The following ABCA7 variants were observed in gnomAD, a reference collection of about 807,000 sequenced individuals.
ABCA7 encodes the protein ATP binding cassette subfamily A member 7, also known as phospholipid-transporting ATPase ABCA7.
A neutral mutation model predicts 227.6 loss-of-function variants in ABCA7; 261 were observed. That is an observed-to-expected ratio of 1.15 (90% CI 1.04 to 1.27). The LOEUF (loss-of-function observed/expected upper bound fraction) is 1.27. Among genes scored for constraint, ABCA7 ranks in the 50% most tolerant of loss-of-function variants. ABCA7 has a pLI of 0.00. For synonymous variants in ABCA7, 1,488 were observed against 1,279.7 expected (o/e 1.16, Z -3.47); for missense variants, 3,331 against 2,924.5 (o/e 1.14, Z -3.21).
chr19:1,055,484 G>A (rs888365692), intron 30 of ABCA7, 133 bp downstream of exon 30: 31 of 962,390 alleles, frequency 3.2e-5, no homozygotes, highest in African/African-American at 1.4e-4. Flanking sequence ...GGAGTCTCGC[G>A]TACCTTCCTT....
rs925027893 is a variant in ABCA7, at chr19:1,063,747, C to T, written c.5848-13C>T. 12 of 1,548,368 alleles carry T rather than the reference C, an allele frequency of 7.8e-6. No individual in the cohort carries two copies. The highest frequency in any genetic ancestry group is 1.2e-5 in the South Asian group (1 of 84,488). On this transcript the variant is annotated splice_polypyrimidine_tract_variant and intron_variant, in intron 43 of 46. Transcript: ENST00000263094. ...GGCGGGGCCTTGCTTATGGGATCTT[C>T]CGTGCTCCCCAGGACGAGCCGACCA...
At chr19:1,046,589 G>T (rs997902791) in intron 13 of ABCA7, among the ~76,000 whole-genome samples, 183 bp downstream of exon 13, 16 of 152,032 alleles carry the variant, frequency 1.1e-4, no homozygotes, top group African/African-American at 1.4e-4. Flanking sequence ...GTGGGGGGGG[G>T]GACTCTGAGG....
At chr19:1,055,871 C>A in intron 30 of ABCA7, 36 bp from the exon 31 acceptor site, 1 of 1,544,472 alleles carries the variant, frequency 6.5e-7, no homozygotes, top group Non-Finnish European at 8.8e-7. Flanking sequence ...GTCCCACATC[C>A]CTGTCTGCCT....
Position 1,056,348 on chromosome 19 carries a change from G to A in ABCA7, c.4435G>A (p.Gly1479Ser). 1 of 1,613,436 alleles carries A rather than the reference G, an allele frequency of 6.2e-7. No individual in the cohort carries two copies. Among genetic ancestry groups the A allele is most frequent in the South Asian group, 1.1e-5 (1 of 91,072 alleles). Residue 1479 changes from glycine (G) to serine (S), a missense_variant, in exon 33 of 47, where the codon GGC (glycine) becomes AGC (serine). Transcript: ENST00000263094. This position sits in a 1 kb window ranked among gnomAD's most constrained non-coding sequence, Gnocchi z 4.3. ...DSLKIWFNNK[G>S]WHSMVAFVNR... ...CACCCAGATCTGGTTCAACAACAAA[G>A]GCTGGCACTCCATGGTGGCCTTTGT... is the stretch of plus-strand genomic sequence containing the variant.
Position 1,045,244 on chromosome 19 carries a change from AG to A in ABCA7, c.1445+18del, listed in dbSNP as rs757317877. The A allele has an allele frequency of 9.0e-6, 5 of 555,962 alleles. No homozygotes were observed. Among genetic ancestry groups the A allele is most frequent in the South Asian group, 2.1e-5 (1 of 48,596 alleles). 34.4% of individuals were successfully genotyped at this position (555,962 alleles called of 1,614,324 possible). A position where few individuals can be genotyped will look rare whatever the true frequency, so the allele number is the denominator to read the frequency against. Reference sequence around the variant, plus strand: ...AGATCAGGGACAGGTCAGGCGAGGGAGGGGGCGGGGGGATGAGGGACTGGGC... The same window carrying A: ...AGATCAGGGACAGGTCAGGCGAGGGAGGGGCGGGGGGATGAGGGACTGGGC... On this transcript the variant is annotated intron_variant, in intron 12 of 46. Coordinates refer to ENST00000263094, the MANE Select transcript of ABCA7 (RefSeq NM_019112.4).
In ABCA7 at chr19:1,052,091, G is replaced by T; in HGVS notation, c.3112G>T (p.Val1038Leu). 6.2e-7 allele frequency: 1 copy of T among 1,612,232 alleles called. No individual in the cohort carries two copies. Among genetic ancestry groups the T allele is most frequent in the Admixed American group, 1.7e-5 (1 of 59,970 alleles). ...GGGCTCCGGCTACTACCTGACGCTG[G>T]TGAAGGCCCGCCTGCCCCTGACCAC... ...HLGSGYYLTL[V>L]KARLPLTTNE... The change falls in exon 22 of 47, where the codon GTG (valine) becomes TTG (leucine). Residue 1038 changes from valine (V) to leucine (L), a missense_variant. By Grantham distance (32) the Val-to-Leu change is conservative. Transcript: ENST00000263094.
Position 1,048,999 on chromosome 19 carries a change from C to T in ABCA7, c.2374C>T (p.Pro792Ser). Residue 792 changes from proline (P) to serine (S), a missense_variant, in exon 17 of 47, where the codon CCA becomes TCA. Physicochemically the swap from Pro to Ser is moderately conservative, Grantham distance 74. Coordinates refer to ENST00000263094, the MANE Select transcript of ABCA7 (RefSeq NM_019112.4). ...SPAPCPTPLD[P>S]KVLVEEAPPG... ...AGCCCCTTGCCCCACCCCGCTGGAC[C>T]CAAAGGGTGAGGCACTACGAGGCTT... The T allele has an allele frequency of 2.5e-6, 4 of 1,585,816 alleles. No individual in the cohort carries two copies. Among genetic ancestry groups the T allele is most frequent in the Non-Finnish European group, 3.4e-6 (4 of 1,164,364 alleles).
chr19:1,054,690 T>G lies in ABCA7; in HGVS notation c.3847T>G (p.Phe1283Val). 6.2e-7 allele frequency: 1 copy of G among 1,612,636 alleles called. No homozygotes were observed. Among genetic ancestry groups the G allele is most frequent in the Non-Finnish European group, 8.5e-7 (1 of 1,179,306 alleles). ...PTMYGAQVSFFSEDAPGDPGR... is the reference protein window; with the variant it reads ...PTMYGAQVSFVSEDAPGDPGR... The stretch of plus-strand genomic sequence containing the variant: ...CATGTACGGTGCTCAGGTGTCCTTC[T>G]TCAGGTGGGTGCAGAAGGAAGGGGC... Residue 1283 changes from phenylalanine to valine, a missense_variant, in exon 28 of 47, where the codon TTC (phenylalanine) becomes GTC (valine). Physicochemically the swap from Phe to Val is conservative, Grantham distance 50 (BLOSUM62 -1). Transcript: ENST00000263094. The surrounding 1 kb of genome is among the most constrained non-coding windows in gnomAD (Gnocchi z 4.8).
intron 41 of ABCA7, 89 bp downstream of exon 41, chr19:1,061,977 T>G: frequency 2.1e-6 from 3 of 1,445,838 alleles, no homozygotes; most frequent in Non-Finnish European, 2.8e-6. Flanking sequence ...GTGAATGGAC[T>G]GGGCTCACTG....
In ABCA7 at chr19:1,063,741, G is replaced by A; in HGVS notation, c.5848-19G>A. The A allele has an allele frequency of 6.5e-7, 1 of 1,548,666 alleles. No homozygotes were observed. The highest frequency in any genetic ancestry group is 8.7e-7 in the Non-Finnish European group (1 of 1,147,196). On this transcript the variant is annotated intron_variant, in intron 43 of 46. Transcript: ENST00000263094. Reference sequence around the variant, plus strand: ...GACGGAGGCGGGGCCTTGCTTATGGGATCTTCCGTGCTCCCCAGGACGAGC... The same window carrying A: ...GACGGAGGCGGGGCCTTGCTTATGGAATCTTCCGTGCTCCCCAGGACGAGC...
Position 1,054,898 on chromosome 19 carries a change from T to G in ABCA7, c.3950+20T>G. 1 of 1,550,802 alleles carries G rather than the reference T, an allele frequency of 6.4e-7. No individual in the cohort carries two copies. The highest frequency in any genetic ancestry group is 8.7e-7 in the Non-Finnish European group (1 of 1,145,114). ...CCACAGGTGAGGCGTCTTGTTGGCC[T>G]GGACCTTTCCCCTCTCTGGCCTCAG... On this transcript the variant is annotated intron_variant, in intron 29 of 46. Transcript: ENST00000263094. The surrounding 1 kb of genome is among the most constrained non-coding windows in gnomAD (Gnocchi z 4.8).
intron 44 of ABCA7, 87 bp downstream of exon 44, chr19:1,063,950 G>A (rs1599732802): frequency 6.9e-7 from 1 of 1,442,968 alleles, no homozygotes; most frequent in Admixed American, 2.4e-5. Flanking sequence ...ACAGGGGATG[G>A]GGGGTCCTGG....
intron 42 of ABCA7, among the ~76,000 whole-genome samples, chr19:1,063,101 A>G (rs1410524238): frequency 1.6e-5 from 2 of 121,892 alleles, no homozygotes; most frequent in Non-Finnish European, 3.3e-5. Context: ...TACCCACACC[A>G]TGGCCCCGCC....
chr19:1,046,712 C>G, intron 13 of ABCA7, 90 bp from the exon 14 acceptor site: 2 of 1,351,322 alleles, frequency 1.5e-6, no homozygotes, highest in South Asian at 1.3e-5. Flanking sequence ...GCCTTGAGAT[C>G]CCGGGACACG....
chr19:1,056,427 G>T lies in ABCA7; in HGVS notation c.4514G>T (p.Arg1505Leu). The T allele has an allele frequency of 6.2e-7, 1 of 1,613,442 alleles. No homozygotes were observed. Among genetic ancestry groups the T allele is most frequent in the South Asian group, 1.1e-5 (1 of 91,074 alleles). Residue 1505 changes from arginine (R) to leucine (L), a missense_variant, in exon 33 of 47, where the codon CGC becomes CTC. Coordinates refer to ENST00000263094, the MANE Select transcript of ABCA7 (RefSeq NM_019112.4). The surrounding 1 kb of genome is among the most constrained non-coding windows in gnomAD (Gnocchi z 4.3). ...GCTCACCTGCCCCCAGGCCCGGCCC[G>T]CCACGCCCACAGCATCACCACACTC... ...LRAHLPPGPA[R>L]HAHSITTLNH...
intron 23 of ABCA7, 145 bp from the exon 24 acceptor site, chr19:1,053,184 C>A: frequency 1.2e-6 from 1 of 808,614 alleles, no homozygotes; most frequent in Non-Finnish European, 1.9e-6. Context: ...TGAGCCACTG[C>A]GCCCGGCCGC....
chr19:1,045,452 A>G (rs538786168), intron 12 of ABCA7: 8 of 582,430 alleles, frequency 1.4e-5, no homozygotes, highest in African/African-American at 1.3e-4. Context: ...GCCTGAGATA[A>G]GATGAGAGCA....
In ABCA7 at chr19:1,056,520, T is replaced by TGTCCTACCCTGCAC. The variant is rs762511885; in HGVS notation, c.4586+34_4586+47dup. The TGTCCTACCCTGCAC allele has an allele frequency of 6.3e-7, 1 of 1,599,374 alleles. No individual in the cohort carries two copies. Among genetic ancestry groups the TGTCCTACCCTGCAC allele is most frequent in the Non-Finnish European group, 8.5e-7 (1 of 1,172,152 alleles). ...GCACTGTGAGTCCCTCCACCCTGCA[T>TGTCCTACCCTGCAC]GTCCTACCCTGCACGTCCTACCCTG... is the stretch of plus-strand genomic sequence containing the variant. On this transcript the variant is annotated intron_variant, in intron 33 of 46. Coordinates refer to ENST00000263094, the MANE Select transcript of ABCA7 (RefSeq NM_019112.4). This position sits in a 1 kb window ranked among gnomAD's most constrained non-coding sequence, Gnocchi z 4.3.
chr19:1,049,051 G>C (rs1314347302), intron 17 of ABCA7, 46 bp downstream of exon 17: 1 of 1,102,378 alleles, frequency 9.1e-7, no homozygotes, highest in Non-Finnish European at 1.3e-6. Context: ...CATATGCCCA[G>C]TTCCCCCCCA....
Sources: gnomAD v4.1 joint callset for allele counts (sites outside exome capture counted in the v4.1 genomes callset) on GRCh38, gnomAD v4.1.1 for gene constraint, Gnocchi (gnomAD v3.1) non-coding constraint, MANE v1.5 for transcripts, NCBI Gene and HGNC (gene_info 2026-07-23, HGNC 2026-07-21) for gene names.